Variants in SPOCK1 observed in about 807,000 individuals in gnomAD.
SPOCK1 encodes the protein testican-1.
In SPOCK1, 23 loss-of-function variants were observed where a neutral mutation model predicts 55.3. The observed-to-expected ratio is 0.42, with a 90% CI of 0.30 to 0.59. The LOEUF is 0.59. Among genes scored for constraint, SPOCK1 ranks in the 20% least tolerant of loss-of-function variants. SPOCK1 has a pLI of 0.22. For synonymous variants in SPOCK1, 226 were observed against 221.0 expected (o/e 1.02, Z -0.20); for missense variants, 499 against 552.5 (o/e 0.90, Z 0.97).
intron 3 of SPOCK1, among the ~76,000 whole-genome samples, chr5:137,147,931 A>C (rs892334073): frequency 6.6e-5 from 10 of 152,246 alleles, no homozygotes; most frequent in African/African-American, 2.4e-4. Context: ...AACCAATTTG[A>C]AACGGTAAAG....
chr5:137,367,573 T>C (rs1751101412), intron 2 of SPOCK1, among the ~76,000 whole-genome samples: 1 of 152,212 alleles, frequency 6.6e-6, no homozygotes, highest in African/African-American at 2.4e-5. Context: ...ATGCAGTGAA[T>C]AAAGCAAAAG....
intron 3 of SPOCK1, among the ~76,000 whole-genome samples, chr5:137,192,548 T>C (rs1755204719): frequency 6.6e-6 from 1 of 152,186 alleles, no homozygotes; most frequent in Admixed American, 6.5e-5. Flanking sequence ...GGCTGTGCAG[T>C]CCCTAGCATG....
At chr5:137,275,654 C>T (rs1357756133) in intron 2 of SPOCK1, among the ~76,000 whole-genome samples, 1 of 152,188 alleles carries the variant, frequency 6.6e-6, no homozygotes, top group Admixed American at 6.5e-5. Context: ...GAGAGCAAAC[C>T]AGGTACAGAA....
chr5:137,086,715 C>A (rs955871046), intron 5 of SPOCK1, among the ~76,000 whole-genome samples: 1 of 152,190 alleles, frequency 6.6e-6, no homozygotes, highest in African/African-American at 2.4e-5. Flanking sequence ...CTGAAGCTAC[C>A]AGCTGAGCAG....
chr5:137,070,134 C>A (rs905351219), intron 5 of SPOCK1, among the ~76,000 whole-genome samples: 1 of 152,210 alleles, frequency 6.6e-6, no homozygotes, highest in Non-Finnish European at 1.5e-5. Flanking sequence ...TCACTGGTTT[C>A]ATCACCTCTG....
At chr5:137,335,520 T>G (rs912834900) in intron 2 of SPOCK1, among the ~76,000 whole-genome samples, 6 of 152,230 alleles carry the variant, frequency 3.9e-5, no homozygotes, top group African/African-American at 1.4e-4. Flanking sequence ...AATGCACCTA[T>G]GAAATAATTG....
At chr5:137,129,392 G>A (rs1193187681) in intron 4 of SPOCK1, among the ~76,000 whole-genome samples, 1 of 152,210 alleles carries the variant, frequency 6.6e-6, no homozygotes, top group African/African-American at 2.4e-5. Context: ...CCAAGACTGT[G>A]ATATTATAGT....
At chr5:137,202,890 C>G (rs1418823211) in intron 3 of SPOCK1, among the ~76,000 whole-genome samples, 1 of 152,178 alleles carries the variant, frequency 6.6e-6, no homozygotes, top group Non-Finnish European at 1.5e-5. Flanking sequence ...AAATCTGTGG[C>G]TGATCTGAAT....
At chr5:137,474,429 A>T (rs1004908998) in intron 2 of SPOCK1, among the ~76,000 whole-genome samples, 3 of 152,168 alleles carry the variant, frequency 2.0e-5, no homozygotes, top group Non-Finnish European at 2.9e-5. Flanking sequence ...TTTGATTTAC[A>T]CTGAAAGTAT....
intron 4 of SPOCK1, among the ~76,000 whole-genome samples, chr5:137,116,833 G>C (rs1753593374): frequency 1.3e-5 from 2 of 152,014 alleles, no homozygotes; most frequent in Non-Finnish European, 2.9e-5. Flanking sequence ...CCGTTTCCCA[G>C]AGCCAGCTCT....
intron 6 of SPOCK1, among the ~76,000 whole-genome samples, chr5:137,038,461 C>T (rs1202367282): frequency 6.6e-6 from 1 of 152,096 alleles, no homozygotes; most frequent in Non-Finnish European, 1.5e-5. Flanking sequence ...AAGGTTTCAA[C>T]TGACTGAGTG....
intron 6 of SPOCK1, among the ~76,000 whole-genome samples, chr5:137,065,964 A>T (rs1752499538): frequency 6.6e-6 from 1 of 152,164 alleles, no homozygotes; most frequent in African/African-American, 2.4e-5. Context: ...ATCTGCTTAA[A>T]TATGAAGCCC....
At position 137,178,845 on chromosome 5, in the gene SPOCK1, C is replaced by T. The variant is rs149086903; in HGVS notation, c.233-38151G>A. Among the ~76,000 whole-genome samples the T allele has an allele frequency of 2.6e-3, 399 of 152,306 alleles. 1 individual carries two copies. The highest frequency in any genetic ancestry group is 4.2e-3 in the Non-Finnish European group (283 of 68,018). On this transcript the variant is annotated intron_variant, in intron 3 of 10. Transcript: ENST00000394945. ...CCACAAGAGCAGTGATCTTTTCTAC[C>T]GTGTAAACCACTATATCCCCTGGGA...
At chr5:137,173,027 A>C (rs1324298515) in intron 3 of SPOCK1, among the ~76,000 whole-genome samples, 1 of 151,732 alleles carries the variant, frequency 6.6e-6, no homozygotes, top group Non-Finnish European at 1.5e-5. Flanking sequence ...CCAATATCTA[A>C]CTCCCTTTCT....
chr5:137,423,795 C>T (rs1269227707), intron 2 of SPOCK1, among the ~76,000 whole-genome samples: 2 of 152,182 alleles, frequency 1.3e-5, no homozygotes, highest in South Asian at 4.1e-4. Context: ...CTGTCCTGCA[C>T]CCACTTTCCA....
chr5:137,027,720 C>T (rs899171310), intron 6 of SPOCK1, among the ~76,000 whole-genome samples: 1 of 152,080 alleles, frequency 6.6e-6, no homozygotes, highest in Non-Finnish European at 1.5e-5. Context: ...CCATCAACCC[C>T]CTTGCAGAGC....
At chr5:137,029,159 C>T (rs969631127) in intron 6 of SPOCK1, among the ~76,000 whole-genome samples, 1 of 152,330 alleles carries the variant, frequency 6.6e-6, no homozygotes, top group Middle Eastern at 3.4e-3. Context: ...TATTTAACAA[C>T]TGTCCAGACT....
chr5:137,224,128 T>C (rs1201834056), intron 3 of SPOCK1, among the ~76,000 whole-genome samples: 1 of 152,226 alleles, frequency 6.6e-6, no homozygotes, highest in Non-Finnish European at 1.5e-5. Flanking sequence ...AGCTCAGCAC[T>C]GTTTGTTAAG....
At chr5:137,025,956 C>G (rs566719056) in intron 6 of SPOCK1, among the ~76,000 whole-genome samples, 14 of 152,090 alleles carry the variant, frequency 9.2e-5, no homozygotes. Flanking sequence ...GAATACATTG[C>G]GAAGGAAAAT....
Sources: gnomAD v4.1 joint callset for allele counts (sites outside exome capture counted in the v4.1 genomes callset) on GRCh38, gnomAD v4.1.1 for gene constraint, MANE v1.5 for transcripts, NCBI Gene and HGNC (gene_info 2026-07-23, HGNC 2026-07-21) for gene names.